SMC2: variants seen among roughly 807,000 people sequenced by gnomAD.
SMC2 encodes structural maintenance of chromosomes protein 2.
A neutral mutation model predicts 142.6 loss-of-function variants in SMC2; 41 were observed. That is an observed-to-expected ratio of 0.29 (90% CI 0.22 to 0.37). The LOEUF (loss-of-function observed/expected upper bound fraction) is 0.37. Among genes scored for constraint, SMC2 ranks in the 10% least tolerant of loss-of-function variants. The pLI is 1.00. For synonymous variants in SMC2, 463 were observed against 457.5 expected (o/e 1.01, Z -0.15); for missense variants, 1,265 against 1,373.7 (o/e 0.92, Z 1.25).
At position 104,102,136 on chromosome 9, in the gene SMC2, TAAA is replaced by T. The variant is rs1291499695; in HGVS notation, c.818_820del (p.Lys273del). 33 of 1,588,130 alleles carry T rather than the reference TAAA, an allele frequency of 2.1e-5. No individual in the cohort carries two copies. The highest frequency in any genetic ancestry group is 2.8e-5 in the Non-Finnish European group (32 of 1,159,712). On this transcript the variant is annotated inframe_deletion, in exon 8 of 25. Coordinates refer to ENST00000374793, the MANE Select transcript of SMC2 (RefSeq NM_006444.3). ...TTCAGGAAGAATTGTCTGAGAATGA[TAAA>T]AAAATAAAAGCACTTAATCATGAAA...
intron 18 of SMC2, 75 bp from the exon 19 acceptor site, chr9:104,126,554 ATTATTATTTATT>A: frequency 1.1e-6 from 1 of 880,724 alleles, no homozygotes; most frequent in Non-Finnish European, 1.6e-6. Context: ...CTTGCATGAG[ATTATTATTTATT>A]TAATTGTTCT....
In SMC2 at chr9:104,129,805, A is replaced by G. The variant is rs781272229; in HGVS notation, c.2951A>G (p.Asn984Ser). The G allele has an allele frequency of 8.1e-6, 13 of 1,613,846 alleles. No individual in the cohort carries two copies. The highest frequency in any genetic ancestry group is 6.7e-5 in the East Asian group (3 of 44,840). ...AAGGAGAAACTAGGAAGAAATGTCA[A>G]TATGAGAGCTATGAATGTATTGACA... ...EMKEKLGRNV[N>S]MRAMNVLTEA... The change falls in exon 21 of 25, where the codon AAT (asparagine) becomes AGT (serine). Residue 984 changes from asparagine (N) to serine (S), a missense_variant. Around this residue, in one of 4 missense-constraint regions of SMC2, gnomAD observed 192 missense variants for 261.9 expected, o/e 0.73. Transcript: ENST00000374793.
intron 22 of SMC2, among the ~76,000 whole-genome samples, 173 bp from the exon 23 acceptor site, chr9:104,134,242 C>A (rs552633611): frequency 6.6e-6 from 1 of 152,114 alleles, no homozygotes; most frequent in Non-Finnish European, 1.5e-5. Flanking sequence ...CACCGATAGA[C>A]GCTTTGTAAA....
In SMC2 at chr9:104,102,019, T is replaced by C; in HGVS notation, c.696T>C (p.Arg232=). Residue 232 remains arginine (R), a synonymous_variant, in exon 8 of 25, where the codon CGT becomes CGC. Transcript: ENST00000374793. ...TGAGAGAAATAGAACATTTGAGTCGTTTATATATTGCTTATCAGTTTTTGC... is the reference window on the plus strand; with the variant it reads ...TGAGAGAAATAGAACATTTGAGTCGCTTATATATTGCTTATCAGTTTTTGC... ...KVMREIEHLS[R]LYIAYQFLLA... 2 of 1,612,704 alleles carry C rather than the reference T, an allele frequency of 1.2e-6. No individual in the cohort carries two copies. Among genetic ancestry groups the C allele is most frequent in the Non-Finnish European group, 1.7e-6 (2 of 1,179,392 alleles).
intron 14 of SMC2, among the ~76,000 whole-genome samples, chr9:104,117,787 C>T (rs902267142): frequency 6.6e-6 from 1 of 152,076 alleles, no homozygotes; most frequent in Non-Finnish European, 1.5e-5. Flanking sequence ...ATACCAAAAT[C>T]TGAAAACAAA....
rs770983657 is a variant in SMC2, at chr9:104,102,397, GATTGA to G, written c.871-21_871-17del. On this transcript the variant is annotated intron_variant, in intron 8 of 24. Coordinates refer to ENST00000374793, the MANE Select transcript of SMC2 (RefSeq NM_006444.3). The stretch of plus-strand genomic sequence containing the variant: ...CAGCGTGAACAAATTTTACATAAGT[GATTGA>G]ATTGACTGCATTTTGTTATAGGAAA... 9.5e-6 allele frequency: 15 copies of G among 1,572,640 alleles called. No individual in the cohort carries two copies. The Admixed American group carries it at 9.9e-5, about 10-fold the overall frequency.
At chr9:104,115,383 T>C (rs1832971536) in intron 13 of SMC2, among the ~76,000 whole-genome samples, 1 of 152,040 alleles carries the variant, frequency 6.6e-6, no homozygotes, top group Non-Finnish European at 1.5e-5. Context: ...GAGACCAGCC[T>C]CAGCAACGTG....
intron 9 of SMC2, among the ~76,000 whole-genome samples, chr9:104,110,752 A>G (rs1187231739): frequency 6.6e-6 from 1 of 152,122 alleles, no homozygotes; most frequent in Non-Finnish European, 1.5e-5. Context: ...ACTGCCCCAC[A>G]AGTATTTGCG....
rs749514735 is a variant in SMC2 at position 104,138,105 on chromosome 9, G to C, written c.3357G>C (p.Leu1119Phe). 6.2e-7 allele frequency: 1 copy of C among 1,609,452 alleles called. No homozygotes were observed. The highest frequency in any genetic ancestry group is 8.5e-7 in the Non-Finnish European group (1 of 1,177,112). The stretch of plus-strand genomic sequence containing the variant: ...TCCTTGATGAGGTAGATGCAGCCTT[G>C]GATCTTTCTCATACCCAAAACATTG... The part of the protein sequence containing the change: ...IYILDEVDAA[L>F]DLSHTQNIGQ... The change falls in exon 24 of 25, where the codon TTG becomes TTC. Residue 1119 changes from leucine (L) to phenylalanine (F), a missense_variant. By Grantham distance (22) the Leu-to-Phe change is conservative. This residue lies in a region of SMC2 where 192 missense variants were observed against 261.9 expected (regional missense o/e 0.73). Transcript: ENST00000374793.
Position 104,095,353 on chromosome 9 carries a change from CAG to C in SMC2, c.-29_-28del, listed in dbSNP as rs1830335274. The C allele has an allele frequency of 1.9e-6, 3 of 1,592,580 alleles. No individual in the cohort carries two copies. The highest frequency in any genetic ancestry group is 2.6e-6 in the Non-Finnish European group (3 of 1,165,650). On this transcript the variant is annotated 5_prime_UTR_variant, in exon 2 of 25. Transcript: ENST00000374793. The stretch of plus-strand genomic sequence containing the variant: ...GGTTTGTGGCCTGTTTGATTCCTGT[CAG>C]AGGTTTGCTGACCCAAGACAGTATC...
chr9:104,107,187 T>A (rs1222731639), intron 9 of SMC2, among the ~76,000 whole-genome samples: 1 of 152,174 alleles, frequency 6.6e-6, no homozygotes, highest in African/African-American at 2.4e-5. Context: ...ATTGATAGGG[T>A]TTGTAAGCAC....
chr9:104,099,583 C>T, intron 4 of SMC2, 61 bp from the exon 5 acceptor site: 1 of 1,004,608 alleles, frequency 1.0e-6, no homozygotes, highest in East Asian at 2.4e-5. Context: ...ACATGAATGG[C>T]AGTACAGATA....
At chr9:104,112,941 T>C (rs376071289) in intron 10 of SMC2, among the ~76,000 whole-genome samples, 2 of 152,124 alleles carry the variant, frequency 1.3e-5, no homozygotes, top group African/African-American at 4.8e-5. Context: ...TATATACACA[T>C]ACAAATATGA....
chr9:104,095,503 A>G lies in SMC2; in HGVS notation c.119A>G (p.Asn40Ser). ...GGCTTAAATGGTAGTGGGAAATCCA[A>G]CATATTGGACTCCATCTGCTTTTTG... ...ITGLNGSGKS[N>S]ILDSICFLLG... is the part of the protein sequence containing the mutation. The change falls in exon 2 of 25, where the codon AAC (asparagine) becomes AGC (serine). Residue 40 changes from asparagine (N) to serine (S), a missense_variant. Asn to Ser is a conservative substitution (Grantham distance 46). This residue lies in a region of SMC2 where 168 missense variants were observed against 184.8 expected (regional missense o/e 0.91). Coordinates refer to ENST00000374793, the MANE Select transcript of SMC2 (RefSeq NM_006444.3). The G allele has an allele frequency of 1.2e-6, 2 of 1,614,090 alleles. No individual in the cohort carries two copies. The highest frequency in any genetic ancestry group is 1.7e-6 in the Non-Finnish European group (2 of 1,179,944).
chr9:104,089,129 T>C, the SMC2 span, among the ~76,000 whole-genome samples: 3 of 152,120 alleles, frequency 2.0e-5, no homozygotes, highest in African/African-American at 4.8e-5. Flanking sequence ...AAGGTTTATA[T>C]AGAGGGAAGA....
At chr9:104,115,541 C>T (rs1490459428) in intron 13 of SMC2, among the ~76,000 whole-genome samples, 2 of 151,618 alleles carry the variant, frequency 1.3e-5, no homozygotes, top group African/African-American at 2.4e-5. Context: ...GCTGAGATTG[C>T]ACCACTGCGC....
chr9:104,107,401 C>T (rs1831931357), intron 9 of SMC2, among the ~76,000 whole-genome samples: 1 of 152,182 alleles, frequency 6.6e-6, no homozygotes, highest in Non-Finnish European at 1.5e-5. Flanking sequence ...AGACTGCAGT[C>T]AGCATGCATG....
chr9:104,097,142 T>C (rs111492378), intron 3 of SMC2, among the ~76,000 whole-genome samples: 7,649 of 146,566 alleles, frequency 0.052, 571 homozygotes, highest in African/African-American at 0.17. Flanking sequence ...TTTTTTTTTT[T>C]CCTGAGACGG....
intron 3 of SMC2, among the ~76,000 whole-genome samples, chr9:104,098,168 C>G (rs903483908): frequency 6.6e-6 from 1 of 152,144 alleles, no homozygotes; most frequent in African/African-American, 2.4e-5. Context: ...AAACATAAAG[C>G]TAGAAGTTAC....
Sources: gnomAD v4.1 joint callset for allele counts (sites outside exome capture counted in the v4.1 genomes callset) on GRCh38, gnomAD v4.1.1 for gene constraint, gnomAD v4.1.1 regional missense constraint, MANE v1.5 for transcripts, NCBI Gene and HGNC (gene_info 2026-07-23, HGNC 2026-07-21) for gene names.